Variants in NEGR1 observed in about 807,000 individuals in gnomAD.
NEGR1 encodes the protein IgLON family member 4.
In NEGR1, 10 loss-of-function variants were observed where a neutral mutation model predicts 40.9. That is an observed-to-expected ratio of 0.24 (90% CI 0.15 to 0.42). The LOEUF is 0.42. NEGR1 is among the 10% of genes least tolerant of loss of function. NEGR1 has a pLI of 1.00. For synonymous variants in NEGR1, 185 were observed against 166.8 expected, an observed-to-expected ratio of 1.11 and a Z score of -0.84; for missense variants, 352 against 438.9, an observed-to-expected ratio of 0.80 and a Z score of 1.77.
chr1:72,115,647 A>G (rs1236397665), intron 1 of NEGR1, among the ~76,000 whole-genome samples: 3 of 151,712 alleles, frequency 2.0e-5, no homozygotes, highest in Non-Finnish European at 2.9e-5. Flanking sequence ...AAGTGGGGAA[A>G]GGTCGTGTTT....
intron 6 of NEGR1, 45 bp downstream of exon 6, chr1:71,592,772 G>A: frequency 1.3e-6 from 2 of 1,531,368 alleles, no homozygotes; most frequent in Non-Finnish European, 9.0e-7. Context: ...ATGGATAGGG[G>A]CCCAGAGGCC....
At chr1:71,905,759 A>G (rs1661257990) in intron 2 of NEGR1, among the ~76,000 whole-genome samples, 1 of 152,066 alleles carries the variant, frequency 6.6e-6, no homozygotes, top group Non-Finnish European at 1.5e-5. Flanking sequence ...AAATGAAGGT[A>G]CATGTGTTAA....
At chr1:71,410,955 A>G (rs1646315696) in intron 6 of NEGR1, among the ~76,000 whole-genome samples, 2 of 152,310 alleles carry the variant, frequency 1.3e-5, no homozygotes, top group South Asian at 4.1e-4. Flanking sequence ...CCATATGACA[A>G]ATTAAGCATT....
chr1:71,738,094 T>C (rs1427262538), intron 3 of NEGR1: 1 of 152,830 alleles, frequency 6.5e-6, no homozygotes, highest in Admixed American at 6.5e-5. Context: ...GCCCCTGAAA[T>C]GAACCTCTAA....
chr1:72,029,151 A>G (rs1379379949), intron 1 of NEGR1, among the ~76,000 whole-genome samples: 1 of 152,142 alleles, frequency 6.6e-6, no homozygotes, highest in Non-Finnish European at 1.5e-5. Flanking sequence ...ACTAGTGCAA[A>G]GAAGAAGGGA....
intron 3 of NEGR1, among the ~76,000 whole-genome samples, chr1:71,748,652 T>C (rs1570292467): frequency 6.6e-6 from 1 of 152,174 alleles, no homozygotes; most frequent in Admixed American, 6.5e-5. Context: ...CTAATGCCAA[T>C]GAAATTTATT....
intron 2 of NEGR1, among the ~76,000 whole-genome samples, chr1:71,857,269 A>C (rs1035334362): frequency 1.3e-5 from 2 of 151,642 alleles, no homozygotes; most frequent in Non-Finnish European, 2.9e-5. Flanking sequence ...TGGTTCCAAA[A>C]CTGTTTGTTG....
chr1:71,614,736 TCCGGAACATTGCCTGAAAA>T (rs1413254106), intron 4 of NEGR1, among the ~76,000 whole-genome samples: 5 of 152,252 alleles, frequency 3.3e-5, no homozygotes, highest in East Asian at 3.9e-4. Flanking sequence ...AAGCATGAAA[TCCGGAACATTGCCTGAAAA>T]CCGGAACATT....
chr1:71,415,367 C>A (rs1031353371), intron 6 of NEGR1, among the ~76,000 whole-genome samples: 1 of 152,036 alleles, frequency 6.6e-6, no homozygotes. Flanking sequence ...TTTCTCTGGC[C>A]GACCAGCATC....
At chr1:71,908,770 T>G (rs1365260112) in intron 2 of NEGR1, among the ~76,000 whole-genome samples, 1 of 152,168 alleles carries the variant, frequency 6.6e-6, no homozygotes, top group Non-Finnish European at 1.5e-5. Context: ...GTTACAGTGT[T>G]ACAGTTTTTT....
chr1:71,780,640 G>A (rs1656683491), intron 2 of NEGR1, among the ~76,000 whole-genome samples: 1 of 152,148 alleles, frequency 6.6e-6, no homozygotes, highest in Non-Finnish European at 1.5e-5. Context: ...AACTACTCTT[G>A]GTCCCTTGCA....
chr1:71,895,156 C>G (rs148304934), intron 2 of NEGR1, among the ~76,000 whole-genome samples: 7 of 152,200 alleles, frequency 4.6e-5, no homozygotes, highest in African/African-American at 1.4e-4. Flanking sequence ...TTATTATCTA[C>G]TTATGTGCCT....
intron 6 of NEGR1, among the ~76,000 whole-genome samples, chr1:71,475,581 C>T (rs1646814455): frequency 6.6e-6 from 1 of 151,830 alleles, no homozygotes; most frequent in Admixed American, 6.6e-5. Flanking sequence ...GTTAAAACAA[C>T]AACAAAAGCC....
chr1:71,522,693 T>C (rs1249240768), intron 6 of NEGR1, among the ~76,000 whole-genome samples: 1 of 150,258 alleles, frequency 6.7e-6, no homozygotes, highest in African/African-American at 2.4e-5. Context: ...AATGGGTAGA[T>C]AAAATGCTGC....
At chr1:71,935,652 G>A (rs1032258886) in intron 1 of NEGR1, among the ~76,000 whole-genome samples, 2 of 151,970 alleles carry the variant, frequency 1.3e-5, no homozygotes, top group Non-Finnish European at 2.9e-5. Flanking sequence ...ACAATTTTCT[G>A]CATTAAAGCC....
chr1:71,495,767 A>T (rs1192186431), intron 6 of NEGR1, among the ~76,000 whole-genome samples: 1 of 152,154 alleles, frequency 6.6e-6, no homozygotes, highest in African/African-American at 2.4e-5. Flanking sequence ...GCTGTGAAAA[A>T]GTATAAGAAA....
At chr1:71,736,091 A>G (rs1655033267) in intron 3 of NEGR1, among the ~76,000 whole-genome samples, 1 of 152,234 alleles carries the variant, frequency 6.6e-6, no homozygotes, top group East Asian at 1.9e-4. Context: ...CAAAATTATC[A>G]AGTACATTGA....
intron 4 of NEGR1, among the ~76,000 whole-genome samples, chr1:71,643,361 G>C (rs1162889446): frequency 6.6e-6 from 1 of 151,838 alleles, no homozygotes; most frequent in African/African-American, 2.4e-5. Flanking sequence ...AGTGATTGTG[G>C]GAGTACTTTC....
intron 4 of NEGR1, among the ~76,000 whole-genome samples, chr1:71,681,983 C>T (rs778451016): frequency 2.6e-5 from 4 of 152,078 alleles, no homozygotes; most frequent in Non-Finnish European, 5.9e-5. Context: ...TGAGCCACCA[C>T]GACTGGCTAA....
Sources: gnomAD v4.1 joint callset for allele counts (sites outside exome capture counted in the v4.1 genomes callset) on GRCh38, gnomAD v4.1.1 for gene constraint, MANE v1.5 for transcripts, NCBI Gene and HGNC (gene_info 2026-07-23, HGNC 2026-07-21) for gene names.